The following TAF15 variants were observed in gnomAD, a reference collection of about 807,000 sequenced individuals.
TAF15 encodes TATA-binding protein-associated factor 2N.
Under a neutral mutation model 102.5 loss-of-function variants are expected in TAF15, and 37 were observed. That is an observed-to-expected ratio of 0.36 (90% CI 0.28 to 0.47). TAF15 has a LOEUF of 0.47. Ranked by LOEUF, TAF15 falls within the 20% of genes least tolerant of loss-of-function variation. TAF15 has a pLI of 0.99. For missense variants in TAF15, 652 were observed against 760.7 expected (o/e 0.86, Z 1.68); for synonymous variants, 273 against 259.2 (o/e 1.05, Z -0.51).
At chr17:35,844,398 C>G in intron 14 of TAF15, 30 bp downstream of exon 14, 3 of 1,611,852 alleles carry the variant, frequency 1.9e-6, no homozygotes, top group Non-Finnish European at 2.5e-6. Flanking sequence ...GCATCTGCAT[C>G]GTGCTTATCT....
At position 35,820,582 on chromosome 17, in the gene TAF15, A is replaced by G. The variant is rs558704683; in HGVS notation, c.290+145A>G. The G allele has an allele frequency of 6.5e-5, 44 of 672,978 alleles. No homozygotes were observed. The South Asian group carries it at 7.1e-4, about 11-fold the overall frequency. 41.7% of individuals were successfully genotyped at this position (672,978 alleles called of 1,614,324 possible). ...TGGAGTGTGGATTTTACAACTGTAT[A>G]TTATGGAGAATGTGGAAATAGCATT... is the stretch of plus-strand genomic sequence containing the variant. On this transcript the variant is annotated intron_variant, in intron 5 of 15. Coordinates refer to ENST00000605844, the MANE Select transcript of TAF15 (RefSeq NM_139215.3).
chr17:35,810,180 G>GTAATTTAGCTTTCTCTTCACCC (rs2087108798), intron 1 of TAF15: 1 of 157,816 alleles, frequency 6.3e-6, no homozygotes, highest in African/African-American at 2.5e-5. Context: ...TGTTTGCATA[G>GTAATTTAGCTTTCTCTTCACCC]TAATTTAGCT....
chr17:35,819,994 T>C (rs765861396), intron 2 of TAF15, 30 bp from the exon 3 acceptor site: 21 of 1,606,042 alleles, frequency 1.3e-5, no homozygotes, highest in Non-Finnish European at 1.7e-5. Context: ...TCTACACATT[T>C]CTTTCAAGTA....
intron 15 of TAF15, 96 bp from the exon 16 acceptor site, chr17:35,846,810 A>C: frequency 7.8e-7 from 1 of 1,276,010 alleles, no homozygotes; most frequent in Non-Finnish European, 1.1e-6. Flanking sequence ...GAAATTGTCT[A>C]GCTGATGCCA....
intron 11 of TAF15, 102 bp downstream of exon 11, chr17:35,838,655 C>T: frequency 6.4e-7 from 1 of 1,551,482 alleles, no homozygotes. Flanking sequence ...TTCATGTTTA[C>T]TTTTGCAGAT....
At chr17:35,823,890 A>T (rs1305167986) in intron 6 of TAF15, among the ~76,000 whole-genome samples, 188 bp from the exon 7 acceptor site, 1 of 152,172 alleles carries the variant, frequency 6.6e-6, no homozygotes, top group East Asian at 1.9e-4. Flanking sequence ...GCAGAATGGA[A>T]TTTGACACAG....
chr17:35,832,019 G>A (rs1482260018), intron 7 of TAF15, among the ~76,000 whole-genome samples: 1 of 151,950 alleles, frequency 6.6e-6, no homozygotes, highest in Non-Finnish European at 1.5e-5. Context: ...CGGAGCTTGC[G>A]GTGAGCCAAG....
intron 1 of TAF15, chr17:35,810,764 A>G (rs2143726221): frequency 6.6e-6 from 1 of 152,362 alleles, no homozygotes; most frequent in Non-Finnish European, 1.5e-5. Context: ...AAAATGAAGC[A>G]TCGATCTGAG....
intron 9 of TAF15, 110 bp downstream of exon 9, chr17:35,834,708 G>GATA (rs2087449124): frequency 2.4e-5 from 19 of 808,318 alleles, no homozygotes; most frequent in African/African-American, 5.6e-5. Flanking sequence ...GATTTAATTT[G>GATA]ATAGTGCTGC....
chr17:35,828,237 AAAAAAT>A (rs1219494440), intron 7 of TAF15, among the ~76,000 whole-genome samples: 2 of 152,214 alleles, frequency 1.3e-5, no homozygotes, highest in African/African-American at 4.8e-5. Flanking sequence ...ACATCAGTCT[AAAAAAT>A]AAAAATATGT....
intron 11 of TAF15, among the ~76,000 whole-genome samples, chr17:35,838,923 A>G (rs2087507951): frequency 6.6e-6 from 1 of 152,072 alleles, no homozygotes; most frequent in East Asian, 1.9e-4. Context: ...TATCACTTGA[A>G]TAATGTACAT....
intron 11 of TAF15, among the ~76,000 whole-genome samples, chr17:35,839,264 GAGC>G (rs1028420040): frequency 3.4e-5 from 5 of 146,064 alleles, no homozygotes; most frequent in African/African-American, 5.1e-5. Context: ...CTGGGCAACA[GAGC>G]GAGAACCTGT....
At chr17:35,843,244 G>A (rs900304028) in intron 12 of TAF15, among the ~76,000 whole-genome samples, 1 of 151,104 alleles carries the variant, frequency 6.6e-6, no homozygotes, top group Non-Finnish European at 1.5e-5. Context: ...CTGCCTCAGC[G>A]TCCCAAGTAG....
At chr17:35,818,421 C>CAATG (rs1035152657) in intron 2 of TAF15, 15 of 152,392 alleles carry the variant, frequency 9.8e-5, no homozygotes, top group African/African-American at 3.4e-4. Context: ...CTGTTTGCAT[C>CAATG]AATGAATATA....
Position 35,820,053 on chromosome 17 carries a change from A to G in TAF15, c.77A>G (p.Gln26Arg). The stretch of plus-strand genomic sequence containing the variant: ...TCTACCTATGGAAATCCAGGCAGCC[A>G]AGGCTATGGACAAGCATCACAAGTA... Reference protein sequence around the residue: ...SYSTYGNPGSQGYGQASQSYS... With the variant: ...SYSTYGNPGSRGYGQASQSYS... Residue 26 changes from glutamine (Q) to arginine (R), a missense_variant, in exon 3 of 16, where the codon CAA becomes CGA. By Grantham distance (43) the Gln-to-Arg change is conservative. Around this residue, in one of 3 missense-constraint regions of TAF15, gnomAD observed 243 missense variants for 284.1 expected, o/e 0.86. Coordinates refer to ENST00000605844, the MANE Select transcript of TAF15 (RefSeq NM_139215.3). The G allele has an allele frequency of 6.2e-7, 1 of 1,614,106 alleles. No individual in the cohort carries two copies. Among genetic ancestry groups the G allele is most frequent in the Non-Finnish European group, 8.5e-7 (1 of 1,179,956 alleles).
At chr17:35,823,051 G>C (rs4251746) in intron 6 of TAF15, among the ~76,000 whole-genome samples, 55 of 152,098 alleles carry the variant, frequency 3.6e-4, no homozygotes, top group Admixed American at 5.9e-4. Context: ...GGCTGATTAC[G>C]TGAATTTCCT....
Position 35,822,690 on chromosome 17 carries a change from AT to A in TAF15, c.343del (p.Ser115HisfsTer53). On this transcript the variant is annotated frameshift_variant, in exon 6 of 16. Coordinates refer to ENST00000605844, the MANE Select transcript of TAF15 (RefSeq NM_139215.3). LOFTEE classifies it high-confidence loss of function. ...SYDQPDYGQQ[D>X]SYDQQSGYDQ... ...GACCAGCCAGACTATGGTCAACAAGATTCATATGACCAGCAGTCAGGCTATG... is the reference window on the plus strand; with the variant it reads ...GACCAGCCAGACTATGGTCAACAAGATCATATGACCAGCAGTCAGGCTATG... 1 of 1,614,170 alleles carries A rather than the reference AT, an allele frequency of 6.2e-7. No homozygotes were observed.
chr17:35,837,873 C>T (rs902275749), intron 10 of TAF15, among the ~76,000 whole-genome samples: 5 of 152,112 alleles, frequency 3.3e-5, no homozygotes, highest in Non-Finnish European at 7.4e-5. Context: ...CATTTAATTT[C>T]TGTGGATTTA....
Position 35,844,849 on chromosome 17 carries a change from G to T in TAF15, c.1550G>T (p.Gly517Val), listed in dbSNP as rs1488955254. 1 of 1,604,068 alleles carries T rather than the reference G, an allele frequency of 6.2e-7. No homozygotes were observed. Among genetic ancestry groups the T allele is most frequent in the Non-Finnish European group, 8.5e-7 (1 of 1,171,996 alleles). ...GYGGDRGGYG[G>V]DRGGYGGDRS... ...GGAGGAGATCGAGGAGGTTATGGAG[G>T]AGATCGAGGAGGCTATGGAGGAGAC... The change falls in exon 15 of 16, where the codon GGA (glycine) becomes GTA (valine). Residue 517 changes from glycine (G) to valine (V), a missense_variant. Coordinates refer to ENST00000605844, the MANE Select transcript of TAF15 (RefSeq NM_139215.3).
Sources: gnomAD v4.1 joint callset for allele counts (sites outside exome capture counted in the v4.1 genomes callset) on GRCh38, gnomAD v4.1.1 for gene constraint, gnomAD v4.1.1 regional missense constraint, MANE v1.5 for transcripts, NCBI Gene and HGNC (gene_info 2026-07-23, HGNC 2026-07-21) for gene names.